FSTL4: variants seen among roughly 807,000 people sequenced by gnomAD.
FSTL4 encodes the protein follistatin-related protein 4.
A neutral mutation model predicts 78.2 loss-of-function variants in FSTL4; 28 were observed. The observed-to-expected ratio is 0.36, with a 90% CI of 0.27 to 0.49. The LOEUF is 0.49. FSTL4 is among the 20% of genes least tolerant of loss of function. The pLI is 0.98. For synonymous variants in FSTL4, 422 were observed against 440.5 expected (o/e 0.96, Z 0.53); for missense variants, 922 against 1,084.9 (o/e 0.85, Z 2.11).
the FSTL4 span, among the ~76,000 whole-genome samples, chr5:133,742,211 G>A: frequency 2.6e-5 from 4 of 152,206 alleles, no homozygotes; most frequent in African/African-American, 9.7e-5. Context: ...ATGATGCCAA[G>A]AAACTAGCAG....
At chr5:133,474,382 A>G (rs1757886351) in intron 3 of FSTL4, among the ~76,000 whole-genome samples, 1 of 152,198 alleles carries the variant, frequency 6.6e-6, no homozygotes, top group Non-Finnish European at 1.5e-5. Context: ...CACCCCCCGG[A>G]ACACAGGTTC....
the FSTL4 span, among the ~76,000 whole-genome samples, chr5:133,718,863 A>G: frequency 0.013 from 1,973 of 152,354 alleles, 51 homozygotes; most frequent in African/African-American, 0.044. Context: ...GTACATACCA[A>G]TAAGCTATTT....
At chr5:133,568,123 A>G (rs1309373249) in intron 2 of FSTL4, among the ~76,000 whole-genome samples, 1 of 152,186 alleles carries the variant, frequency 6.6e-6, no homozygotes, top group Non-Finnish European at 1.5e-5. Context: ...GTGGTATGAA[A>G]ATTCAGGGTA....
chr5:133,422,767 G>A (rs776661225), intron 3 of FSTL4, among the ~76,000 whole-genome samples: 3 of 152,306 alleles, frequency 2.0e-5, no homozygotes, highest in East Asian at 1.9e-4. Flanking sequence ...GACAATTATC[G>A]AGCATGGTAA....
chr5:133,706,085 G>C, the FSTL4 span, among the ~76,000 whole-genome samples: 1 of 152,192 alleles, frequency 6.6e-6, no homozygotes, highest in African/African-American at 2.4e-5. Flanking sequence ...CACCGTAATA[G>C]GAAGGAGGTG....
chr5:133,591,917 T>C (rs73788166), intron 2 of FSTL4, among the ~76,000 whole-genome samples: 1,606 of 152,220 alleles, frequency 0.011, 33 homozygotes, highest in African/African-American at 0.037. Context: ...TCTTTGTACA[T>C]GAGCATGTTA....
the FSTL4 span, among the ~76,000 whole-genome samples, chr5:133,793,665 C>A: frequency 6.6e-6 from 1 of 152,218 alleles, no homozygotes; most frequent in East Asian, 1.9e-4. Flanking sequence ...TTAAGCAAAG[C>A]CTGCTGAACT....
At chr5:133,320,592 T>C (rs901178216) in intron 4 of FSTL4, among the ~76,000 whole-genome samples, 1 of 152,224 alleles carries the variant, frequency 6.6e-6, no homozygotes, top group African/African-American at 2.4e-5. Context: ...GATGTGAAGC[T>C]GGGCCCTCTC....
At chr5:133,714,880 A>C in the FSTL4 span, among the ~76,000 whole-genome samples, 51,232 of 152,118 alleles carry the variant, frequency 0.34, 9,353 homozygotes, top group African/African-American at 0.48. Context: ...GCTGGATCTC[A>C]GCCAGGAAGA....
the FSTL4 span, among the ~76,000 whole-genome samples, chr5:133,735,714 G>A: frequency 1.3e-5 from 2 of 151,976 alleles, no homozygotes; most frequent in South Asian, 2.1e-4. Context: ...GCAATGCGAG[G>A]CCTCTGCAAG....
chr5:133,818,647 A>G, the FSTL4 span, among the ~76,000 whole-genome samples: 2 of 151,992 alleles, frequency 1.3e-5, no homozygotes, highest in Admixed American at 1.3e-4. Context: ...GTGCATTGTG[A>G]TAGCTGCATA....
At chr5:133,416,357 A>G (rs973763542) in intron 3 of FSTL4, among the ~76,000 whole-genome samples, 1 of 152,184 alleles carries the variant, frequency 6.6e-6, no homozygotes, top group African/African-American at 2.4e-5. Flanking sequence ...CTTTACAGTA[A>G]ATTTTAACTT....
At chr5:133,427,243 T>C (rs112205652) in intron 3 of FSTL4, among the ~76,000 whole-genome samples, 1,844 of 152,326 alleles carry the variant, frequency 0.012, 42 homozygotes, top group African/African-American at 0.041. Flanking sequence ...AGACGGCTCA[T>C]GTGCAATGCC....
rs144713703 is a variant in FSTL4, at chr5:133,451,813, G to A, written c.161-50827C>T. Among the ~76,000 whole-genome samples the A allele has an allele frequency of 2.1e-3, 324 of 152,274 alleles. 4 individuals carry two copies. Among genetic ancestry groups the A allele is most frequent in the African/African-American group, 7.1e-3 (297 of 41,556 alleles). ...GGAAACAGAATTGTTCAAGTTGGGC[G>A]GAAGAATTGAATATTTCTGTTTGTC... On this transcript the variant is annotated intron_variant, in intron 3 of 15. Transcript: ENST00000265342.
At chr5:133,794,152 T>C in the FSTL4 span, among the ~76,000 whole-genome samples, 1 of 152,352 alleles carries the variant, frequency 6.6e-6, no homozygotes, top group East Asian at 1.9e-4. Flanking sequence ...GGCTGATCTC[T>C]GACTTGGGCC....
intron 4 of FSTL4, among the ~76,000 whole-genome samples, chr5:133,362,484 G>A: frequency 6.6e-6 from 1 of 152,122 alleles, no homozygotes; most frequent in East Asian, 1.9e-4. Context: ...GAGGGCAGGA[G>A]GAGCCTTTGT....
At chr5:133,455,922 A>C (rs1458631464) in intron 3 of FSTL4, among the ~76,000 whole-genome samples, 1 of 152,224 alleles carries the variant, frequency 6.6e-6, no homozygotes, top group Non-Finnish European at 1.5e-5. Flanking sequence ...GTTCATGTGC[A>C]TGCTCCCTCT....
At chr5:133,264,903 C>T (rs1374744444) in intron 6 of FSTL4, among the ~76,000 whole-genome samples, 3 of 152,194 alleles carry the variant, frequency 2.0e-5, no homozygotes, top group Non-Finnish European at 4.4e-5. Flanking sequence ...CCTTAGGAGG[C>T]ACAGGCAGAG....
the FSTL4 span, among the ~76,000 whole-genome samples, chr5:133,821,877 G>C: frequency 1.8e-4 from 28 of 152,268 alleles, no homozygotes; most frequent in African/African-American, 6.3e-4. Context: ...ACGTAGCGGT[G>C]CAAGGAGGAG....
Sources: allele counts gnomAD v4.1 joint callset (sites outside exome capture counted in the v4.1 genomes callset), GRCh38; gene constraint gnomAD v4.1.1; transcripts MANE v1.5; gene names NCBI Gene and HGNC (gene_info 2026-07-23, HGNC 2026-07-21).